RIN2: variants seen among roughly 807,000 people sequenced by gnomAD.
RIN2 encodes the protein RAB5 interacting protein 2.
Under a neutral mutation model 78.0 loss-of-function variants are expected in RIN2, and 36 were observed. The observed-to-expected ratio is 0.46, with a 90% confidence interval of 0.35 to 0.61. The LOEUF is 0.61. Ranked by LOEUF, RIN2 falls within the 20% of genes least tolerant of loss-of-function variation. RIN2 has a pLI of 0.00. For synonymous variants in RIN2, 466 were observed against 466.8 expected, an observed-to-expected ratio of 1.00 and a Z score of 0.02; for missense variants, 1,087 against 1,159.7, an observed-to-expected ratio of 0.94 and a Z score of 0.91.
At chr20:19,812,706 T>A (rs2035641332) in intron 2 of RIN2, among the ~76,000 whole-genome samples, 1 of 152,188 alleles carries the variant, frequency 6.6e-6, no homozygotes, top group African/African-American at 2.4e-5. Flanking sequence ...TACTTGGGAA[T>A]TGTTTCATAG....
chr20:19,940,439 G>A (rs141428257), intron 4 of RIN2, among the ~76,000 whole-genome samples: 87 of 152,248 alleles, frequency 5.7e-4, no homozygotes, highest in African/African-American at 2.0e-3. Flanking sequence ...AAAGAAATAG[G>A]GCAGAGGCCC....
At chr20:19,894,167 GT>G (rs2038613752) in intron 3 of RIN2, among the ~76,000 whole-genome samples, 1 of 152,140 alleles carries the variant, frequency 6.6e-6, no homozygotes, top group South Asian at 2.1e-4. Flanking sequence ...AGTAATAAAT[GT>G]GAACACCTAC....
intron 2 of RIN2, among the ~76,000 whole-genome samples, chr20:19,841,312 AT>A (rs1157848284): frequency 6.6e-6 from 1 of 151,856 alleles, no homozygotes; most frequent in African/African-American, 2.4e-5. Flanking sequence ...CTTTACTGTG[AT>A]TTTTTTGGCA....
At chr20:19,921,664 G>T (rs2039927867) in intron 3 of RIN2, among the ~76,000 whole-genome samples, 2 of 152,302 alleles carry the variant, frequency 1.3e-5, no homozygotes, top group East Asian at 1.9e-4. Flanking sequence ...AAGGCTGGGG[G>T]TGTCCTAGGT....
intron 3 of RIN2, among the ~76,000 whole-genome samples, chr20:19,928,561 G>A (rs1197890439): frequency 2.0e-5 from 3 of 152,210 alleles, no homozygotes; most frequent in Non-Finnish European, 4.4e-5. Flanking sequence ...GCACCAGACT[G>A]GAACTCAGCA....
At chr20:19,854,932 T>A (rs2037116516) in intron 2 of RIN2, among the ~76,000 whole-genome samples, 1 of 152,206 alleles carries the variant, frequency 6.6e-6, no homozygotes, top group Admixed American at 6.5e-5. Context: ...ATAGGAGTGG[T>A]GAGAGAGGGC....
intron 4 of RIN2, 89 bp from the exon 5 acceptor site, chr20:19,956,526 A>T: frequency 7.9e-7 from 1 of 1,259,688 alleles, no homozygotes; most frequent in East Asian, 2.5e-5. Context: ...GTGCGGTGGC[A>T]AGCCTGGCCT....
chr20:19,886,753 G>C, intron 2 of RIN2: 1 of 1,541,560 alleles, frequency 6.5e-7, no homozygotes, highest in Non-Finnish European at 8.7e-7. Context: ...TACAAGTCTG[G>C]AGGAATTTCA....
intron 2 of RIN2, among the ~76,000 whole-genome samples, chr20:19,863,335 C>T (rs1452827559): frequency 6.6e-6 from 1 of 152,148 alleles, no homozygotes; most frequent in Non-Finnish European, 1.5e-5. Context: ...CATGTATGTG[C>T]CTCACCCTTC....
At chr20:19,775,835 G>A (rs1294623837) in intron 1 of RIN2, among the ~76,000 whole-genome samples, 2 of 152,246 alleles carry the variant, frequency 1.3e-5, no homozygotes, top group Non-Finnish European at 2.9e-5. Flanking sequence ...TTGCTTAGCT[G>A]AGTATGGGAC....
chr20:19,941,498 CA>C (rs2040867929), intron 4 of RIN2, among the ~76,000 whole-genome samples: 1 of 152,160 alleles, frequency 6.6e-6, no homozygotes, highest in Admixed American at 6.5e-5. Context: ...CATAACTCAG[CA>C]AAATTGCACA....
chr20:19,851,058 A>AGG (rs2036962484), intron 2 of RIN2, among the ~76,000 whole-genome samples: 1 of 99,860 alleles, frequency 1.0e-5, no homozygotes. Context: ...AGGAGAAAGA[A>AGG]AGGAAGGAAG....
intron 2 of RIN2, among the ~76,000 whole-genome samples, chr20:19,801,185 T>A (rs1434848014): frequency 6.6e-6 from 1 of 152,248 alleles, no homozygotes; most frequent in Admixed American, 6.5e-5. Context: ...CAGGAAGCTG[T>A]CTACCTTCCC....
At chr20:19,968,181 C>T (rs1271110809) in intron 7 of RIN2, among the ~76,000 whole-genome samples, 7 of 152,198 alleles carry the variant, frequency 4.6e-5, no homozygotes, top group Admixed American at 3.3e-4. Flanking sequence ...GGGGGCATCA[C>T]GGCTTCCTCC....
intron 2 of RIN2, among the ~76,000 whole-genome samples, chr20:19,853,625 G>C (rs2037064721): frequency 6.6e-6 from 1 of 152,176 alleles, no homozygotes; most frequent in Non-Finnish European, 1.5e-5. Context: ...GCATTTCTCT[G>C]ATGGCCAGTG....
At chr20:19,966,577 G>A (rs6112693) in intron 7 of RIN2, among the ~76,000 whole-genome samples, 6,467 of 152,104 alleles carry the variant, frequency 0.043, 480 homozygotes, top group African/African-American at 0.15. Context: ...GCCCGCCTCC[G>A]CCTCCCAAAG....
chr20:19,837,864 T>C (rs2036468745), intron 2 of RIN2, among the ~76,000 whole-genome samples: 1 of 152,024 alleles, frequency 6.6e-6, no homozygotes, highest in African/African-American at 2.4e-5. Context: ...TGGGAGTGAA[T>C]GTTGAGAATT....
At chr20:19,989,948 A>T (rs980036382) in intron 9 of RIN2, 58 bp from the exon 10 acceptor site, 34 of 1,443,164 alleles carry the variant, frequency 2.4e-5, no homozygotes, top group African/African-American at 1.7e-4. Flanking sequence ...AAGAAAGCAG[A>T]TGTTGCATTT....
chr20:19,905,942 T>C (rs1205502425), intron 3 of RIN2, among the ~76,000 whole-genome samples: 1 of 152,240 alleles, frequency 6.6e-6, no homozygotes, highest in Non-Finnish European at 1.5e-5. Context: ...AACTGCATCC[T>C]GTCACTGAAT....
Sources: gnomAD v4.1 joint callset for allele counts (sites outside exome capture counted in the v4.1 genomes callset) on GRCh38, gnomAD v4.1.1 for gene constraint, MANE v1.5 for transcripts, NCBI Gene and HGNC (gene_info 2026-07-23, HGNC 2026-07-21) for gene names.